DTNBP1: variants seen among roughly 807,000 people sequenced by gnomAD.
The protein encoded by DTNBP1 is dystrobrevin binding protein 1.
In DTNBP1, 35 loss-of-function variants were observed where a neutral mutation model predicts 42.8. The ratio of observed to expected loss-of-function variants is 0.82; its 90% CI spans 0.63 to 1.09. DTNBP1 has a LOEUF of 1.09. Among genes scored for constraint, DTNBP1 ranks in the 50% least tolerant of loss-of-function variants. The pLI is 0.00. For missense variants in DTNBP1, 457 were observed against 424.2 expected, an observed-to-expected ratio of 1.08 and a Z score of -0.68; for synonymous variants, 171 against 162.2, an observed-to-expected ratio of 1.05 and a Z score of -0.41.
chr6:15,661,645 C>CAA (rs200190961), intron 1 of DTNBP1, among the ~76,000 whole-genome samples: 1 of 67,206 alleles, frequency 1.5e-5, no homozygotes, highest in African/African-American at 6.1e-5. Flanking sequence ...GACTCCATCT[C>CAA]AAAAAAAAGG....
At chr6:15,551,589 C>A (rs1774214162) in intron 7 of DTNBP1, among the ~76,000 whole-genome samples, 3 of 152,132 alleles carry the variant, frequency 2.0e-5, no homozygotes, top group South Asian at 4.1e-4. Context: ...TCGACTGCCC[C>A]CTTCTCTGAC....
intron 7 of DTNBP1, among the ~76,000 whole-genome samples, chr6:15,584,137 T>C (rs1007417688): frequency 3.3e-5 from 5 of 152,080 alleles, no homozygotes; most frequent in Non-Finnish European, 7.4e-5. Flanking sequence ...AGCCAGCTTT[T>C]AAAAAAACGA....
chr6:15,577,261 G>A lies in DTNBP1; in HGVS notation c.511+15798C>T, dbSNP rs562741668. On this transcript the variant is annotated intron_variant, in intron 7 of 9. Transcript: ENST00000344537. The stretch of plus-strand genomic sequence containing the variant: ...AAAGGGCTGGGCCCTGCAGGGCCTC[G>A]CAAGCCAGGACTCGGGAGGTATTCC... Among the ~76,000 whole-genome samples the A allele has an allele frequency of 7.9e-5, 12 of 152,354 alleles. No homozygotes were observed. The East Asian group carries it at 1.4e-3, about 17-fold the overall frequency.
At chr6:15,593,908 A>G (rs1246453194) in intron 6 of DTNBP1, among the ~76,000 whole-genome samples, 8 of 152,148 alleles carry the variant, frequency 5.3e-5, no homozygotes, top group Admixed American at 5.2e-4. Flanking sequence ...GATGTTTTGA[A>G]TTCTTAAATC....
intron 1 of DTNBP1, among the ~76,000 whole-genome samples, chr6:15,656,840 T>C (rs895670239): frequency 1.3e-5 from 2 of 152,208 alleles, no homozygotes; most frequent in East Asian, 1.9e-4. Context: ...TTCAACAGCG[T>C]GCGGAACCTG....
rs939352299 is a variant in DTNBP1 at position 15,549,602 on chromosome 6, C to T, written c.512-16207G>A. On this transcript the variant is annotated intron_variant, in intron 7 of 9. Coordinates refer to ENST00000344537, the MANE Select transcript of DTNBP1 (RefSeq NM_032122.5). The stretch of plus-strand genomic sequence containing the variant: ...GTGGTGTCCTGGCAGCTGCCCTTTC[C>T]GTCAGCCCTCCTAGCCACCTCTGGC... 5.9e-5 allele frequency among the ~76,000 whole-genome samples: 9 copies of T among 151,936 alleles called. No individual in the cohort carries two copies. In the East Asian group the frequency reaches 9.6e-4, roughly 16 times the overall value.
At chr6:15,647,836 A>T (rs1760773332) in intron 3 of DTNBP1, among the ~76,000 whole-genome samples, 1 of 152,036 alleles carries the variant, frequency 6.6e-6, no homozygotes, top group Admixed American at 6.5e-5. Flanking sequence ...ACATTTAAAA[A>T]AGAACCAACA....
intron 7 of DTNBP1, among the ~76,000 whole-genome samples, chr6:15,550,633 A>C (rs930004156): frequency 1.1e-4 from 17 of 152,236 alleles, no homozygotes; most frequent in African/African-American, 3.6e-4. Flanking sequence ...TATTTTTGAA[A>C]TGGGGACATA....
rs1761338067 is a variant in DTNBP1, at chr6:15,657,262, T to G, written c.57-5122A>C. Among the ~76,000 whole-genome samples the G allele has an allele frequency of 2.6e-5, 4 of 152,350 alleles. No homozygotes were observed. The South Asian group carries it at 8.3e-4, about 32-fold the overall frequency. On this transcript the variant is annotated intron_variant, in intron 1 of 9. Coordinates refer to ENST00000344537, the MANE Select transcript of DTNBP1 (RefSeq NM_032122.5). ...AATTGCTTCTCAGCTGTCAAGCAGC[T>G]AGCTCATCACAAATTCACTGTTAAC...
chr6:15,559,754 A>G (rs1285212033), intron 7 of DTNBP1, among the ~76,000 whole-genome samples: 4 of 152,146 alleles, frequency 2.6e-5, no homozygotes, highest in Non-Finnish European at 5.9e-5. Context: ...ACATCACACA[A>G]TGCCTCAAAA....
chr6:15,631,349 G>A (rs527351815), intron 4 of DTNBP1, among the ~76,000 whole-genome samples: 2 of 152,194 alleles, frequency 1.3e-5, no homozygotes, highest in East Asian at 3.9e-4. Context: ...AAGATCCTGA[G>A]GTAGCACAAA....
Position 15,546,061 on chromosome 6 carries a change from T to C in DTNBP1, c.512-12666A>G, listed in dbSNP as rs1471839316. 4 of 384,804 alleles carry C rather than the reference T, an allele frequency of 1.0e-5. No homozygotes were observed. The East Asian group carries it at 3.2e-4, about 31-fold the overall frequency. The allele number at this position is 384,804 out of a possible 1,614,324, so 23.8% of individuals were successfully genotyped here. A position where few individuals can be genotyped will look rare whatever the true frequency, so the allele number is the denominator to read the frequency against. ...ATATGGATCGGAAGGTCACCTCCAG[T>C]TCTTTTTTTTTTTTTTTTTTTTGAG... is the stretch of plus-strand genomic sequence containing the variant. On this transcript the variant is annotated intron_variant, in intron 7 of 9. Transcript: ENST00000344537.
intron 7 of DTNBP1, among the ~76,000 whole-genome samples, chr6:15,578,935 A>C (rs994244111): frequency 1.3e-4 from 20 of 152,242 alleles, no homozygotes; most frequent in Non-Finnish European, 4.4e-5. Context: ...GGAAACTCTT[A>C]GACACTGTTG....
chr6:15,589,248 G>C (rs1305524200), intron 7 of DTNBP1, among the ~76,000 whole-genome samples: 1 of 152,192 alleles, frequency 6.6e-6, no homozygotes, highest in Non-Finnish European at 1.5e-5. Flanking sequence ...CTCCAAGTCA[G>C]ATGACTTGGT....
At chr6:15,651,945 TAGAA>T (rs1384455273) in intron 2 of DTNBP1, 138 bp downstream of exon 2, 2 of 721,216 alleles carry the variant, frequency 2.8e-6, no homozygotes, top group East Asian at 2.8e-5. Flanking sequence ...TTACAAAATT[TAGAA>T]AGAATCGATA....
intron 6 of DTNBP1, among the ~76,000 whole-genome samples, chr6:15,609,774 G>A (rs1178527417): frequency 6.6e-6 from 1 of 152,190 alleles, no homozygotes; most frequent in Non-Finnish European, 1.5e-5. Context: ...TTGTATTTGA[G>A]TGAGGCAACA....
chr6:15,661,135 A>C (rs1761590177), intron 1 of DTNBP1, among the ~76,000 whole-genome samples: 2 of 152,240 alleles, frequency 1.3e-5, no homozygotes, highest in Non-Finnish European at 2.9e-5. Context: ...CCAATGTGCA[A>C]ATAGTATTAA....
intron 8 of DTNBP1, among the ~76,000 whole-genome samples, chr6:15,530,075 A>T (rs545850471): frequency 2.0e-4 from 31 of 152,398 alleles, no homozygotes; most frequent in African/African-American, 7.2e-4. Flanking sequence ...CTTAATTAAG[A>T]AATGATGCTT....
chr6:15,627,447 G>A lies in DTNBP1; in HGVS notation c.251C>T (p.Ser84Phe). 6.2e-7 allele frequency: 1 copy of A among 1,614,002 alleles called. No individual in the cohort carries two copies. The highest frequency in any genetic ancestry group is 8.5e-7 in the Non-Finnish European group (1 of 1,179,982). ...TGTCTTTTTCTTCTCCCAGTGCGCA[G>A]AAAGCATGACCACCTCGCTATCCAC... ...ELVDSEVVML[S>F]AHWEKKKTSL... Residue 84 changes from serine to phenylalanine, a missense_variant, in exon 5 of 10, where the codon TCT (serine) becomes TTT (phenylalanine). Coordinates refer to ENST00000344537, the MANE Select transcript of DTNBP1 (RefSeq NM_032122.5).
Sources: gnomAD v4.1 joint callset for allele counts (sites outside exome capture counted in the v4.1 genomes callset) on GRCh38, gnomAD v4.1.1 for gene constraint, MANE v1.5 for transcripts, NCBI Gene and HGNC (gene_info 2026-07-23, HGNC 2026-07-21) for gene names.